The following ST6GALNAC3 variants were observed in gnomAD, a reference collection of about 807,000 sequenced individuals.
ST6GALNAC3 encodes alpha-N-acetylgalactosaminide alpha-2,6-sialyltransferase 3.
ST6GALNAC3 carries 25 observed loss-of-function variants against 32.7 expected under a neutral mutation model. The observed-to-expected ratio is 0.76, with a 90% CI of 0.56 to 1.07. The LOEUF (loss-of-function observed/expected upper bound fraction) is 1.07. Ranked by LOEUF, ST6GALNAC3 falls within the 50% of genes least tolerant of loss-of-function variation. The probability of loss-of-function intolerance (pLI) is 0.00; values close to 1 mark genes in which losing one functional copy is unlikely to be tolerated. For synonymous variants in ST6GALNAC3, 129 were observed against 133.1 expected, an observed-to-expected ratio of 0.97 and a Z score of 0.21; for missense variants, 355 against 382.4, an observed-to-expected ratio of 0.93 and a Z score of 0.60.
intron 3 of ST6GALNAC3, among the ~76,000 whole-genome samples, chr1:76,465,104 G>A (rs184655573): frequency 6.6e-5 from 10 of 152,288 alleles, no homozygotes; most frequent in Non-Finnish European, 1.5e-4. Flanking sequence ...GGGAAAAGGA[G>A]GAAGAATAAA....
intron 3 of ST6GALNAC3, among the ~76,000 whole-genome samples, chr1:76,421,120 AC>A (rs1204646972): frequency 2.0e-5 from 3 of 152,082 alleles, no homozygotes; most frequent in African/African-American, 7.2e-5. Flanking sequence ...AAGAAATAAC[AC>A]TTAATATCTT....
At chr1:76,201,084 T>A (rs1220378151) in intron 1 of ST6GALNAC3, among the ~76,000 whole-genome samples, 1 of 152,120 alleles carries the variant, frequency 6.6e-6, no homozygotes, top group African/African-American at 2.4e-5. Flanking sequence ...AAGGCCAAGA[T>A]TATTAAATTC....
chr1:76,258,803 A>T (rs1570605943), intron 1 of ST6GALNAC3, among the ~76,000 whole-genome samples: 1 of 152,180 alleles, frequency 6.6e-6, no homozygotes, highest in African/African-American at 2.4e-5. Context: ...CAGATTCCAC[A>T]TACTACATAC....
At chr1:76,432,381 A>G (rs1302146673) in intron 3 of ST6GALNAC3, among the ~76,000 whole-genome samples, 2 of 151,124 alleles carry the variant, frequency 1.3e-5, no homozygotes, top group African/African-American at 4.9e-5. Flanking sequence ...GGCAAAAAAA[A>G]TGTTTTATGT....
At chr1:76,374,821 T>C (rs566877254) in intron 2 of ST6GALNAC3, among the ~76,000 whole-genome samples, 49 of 152,314 alleles carry the variant, frequency 3.2e-4, no homozygotes, top group African/African-American at 1.1e-3. Context: ...GTTGATTCTT[T>C]GGCAGAAATG....
At chr1:76,359,453 A>T (rs1305792125) in intron 2 of ST6GALNAC3, among the ~76,000 whole-genome samples, 1 of 152,154 alleles carries the variant, frequency 6.6e-6, no homozygotes, top group Non-Finnish European at 1.5e-5. Context: ...ACACAGGAAG[A>T]ATGCTATGTG....
chr1:76,583,241 C>G (rs1015829546), intron 3 of ST6GALNAC3, among the ~76,000 whole-genome samples: 1 of 152,110 alleles, frequency 6.6e-6, no homozygotes, highest in African/African-American at 2.4e-5. Context: ...CCCTCAGGAG[C>G]CTTTCTTTCT....
intron 2 of ST6GALNAC3, among the ~76,000 whole-genome samples, chr1:76,338,507 G>A (rs945591999): frequency 1.6e-4 from 25 of 152,176 alleles, no homozygotes; most frequent in African/African-American, 5.6e-4. Flanking sequence ...TGGGGCTGTA[G>A]CATGTAGCAT....
intron 2 of ST6GALNAC3, among the ~76,000 whole-genome samples, chr1:76,374,033 A>T (rs1651027900): frequency 6.6e-6 from 1 of 152,124 alleles, no homozygotes; most frequent in Admixed American, 6.6e-5. Context: ...CCTGTGGTTT[A>T]TGCAGCCTAT....
chr1:76,468,830 A>G (rs1658826606), intron 3 of ST6GALNAC3, among the ~76,000 whole-genome samples: 1 of 152,034 alleles, frequency 6.6e-6, no homozygotes, highest in Non-Finnish European at 1.5e-5. Flanking sequence ...TCAACTTTTT[A>G]TTGGTTTTAG....
chr1:76,585,882 G>A (rs1211079184), intron 3 of ST6GALNAC3, among the ~76,000 whole-genome samples: 1 of 152,124 alleles, frequency 6.6e-6, no homozygotes, highest in Non-Finnish European at 1.5e-5. Context: ...GCATTGAGAA[G>A]TCACTGGCCT....
intron 2 of ST6GALNAC3, among the ~76,000 whole-genome samples, chr1:76,378,241 G>T (rs1651395429): frequency 6.6e-6 from 1 of 152,130 alleles, no homozygotes; most frequent in Admixed American, 6.5e-5. Flanking sequence ...TGATAACATT[G>T]TCCCTAGTAG....
At chr1:76,375,955 A>G (rs913801283) in intron 2 of ST6GALNAC3, among the ~76,000 whole-genome samples, 16 of 152,188 alleles carry the variant, frequency 1.1e-4, no homozygotes, top group Admixed American at 8.5e-4. Flanking sequence ...GCATATTTAT[A>G]TATGAAGAGA....
chr1:76,300,879 C>T (rs1211551827), intron 1 of ST6GALNAC3, among the ~76,000 whole-genome samples: 1 of 151,662 alleles, frequency 6.6e-6, no homozygotes, highest in African/African-American at 2.4e-5. Flanking sequence ...GAGGAGACAA[C>T]ATTTGAATTT....
intron 1 of ST6GALNAC3, among the ~76,000 whole-genome samples, chr1:76,120,553 G>A (rs1648806325): frequency 6.6e-6 from 1 of 152,168 alleles, no homozygotes; most frequent in Non-Finnish European, 1.5e-5. Flanking sequence ...CCCCCATTTT[G>A]CAGAAGACAC....
chr1:76,401,425 G>C (rs1383100795), intron 2 of ST6GALNAC3, among the ~76,000 whole-genome samples: 1 of 152,016 alleles, frequency 6.6e-6, no homozygotes, highest in Non-Finnish European at 1.5e-5. Flanking sequence ...TTTTTCACTA[G>C]ACTCCAATCT....
At chr1:76,414,592 A>G (rs938680809) in intron 3 of ST6GALNAC3, among the ~76,000 whole-genome samples, 5 of 152,122 alleles carry the variant, frequency 3.3e-5, no homozygotes, top group African/African-American at 1.2e-4. Context: ...TCATGAAGGA[A>G]AATGTCAAAC....
intron 2 of ST6GALNAC3, among the ~76,000 whole-genome samples, chr1:76,410,015 G>T (rs1430753155): frequency 6.6e-6 from 1 of 152,068 alleles, no homozygotes; most frequent in Non-Finnish European, 1.5e-5. Flanking sequence ...ATCCTCTCTT[G>T]CTGGGATTGT....
intron 3 of ST6GALNAC3, among the ~76,000 whole-genome samples, chr1:76,426,120 C>T (rs889314757): frequency 2.0e-5 from 3 of 151,598 alleles, no homozygotes; most frequent in Non-Finnish European, 4.4e-5. Flanking sequence ...TAAGAGAGCC[C>T]TTTTTTGACA....
Sources: allele counts gnomAD v4.1 joint callset (sites outside exome capture counted in the v4.1 genomes callset), GRCh38; gene constraint gnomAD v4.1.1; transcripts MANE v1.5; gene names NCBI Gene and HGNC (gene_info 2026-07-23, HGNC 2026-07-21).